EIF5AL1: variants seen among roughly 807,000 people sequenced by gnomAD.
The protein encoded by EIF5AL1 is eukaryotic translation initiation factor 5A-1-like.
A neutral mutation model predicts 9.0 loss-of-function variants in EIF5AL1; 4 were observed. That is an observed-to-expected ratio of 0.45 (90% CI 0.22 to 1.02). The LOEUF (loss-of-function observed/expected upper bound fraction) is 1.02, where lower values mean the gene tolerates loss of function less well. Among genes scored for constraint, EIF5AL1 ranks in the 50% least tolerant of loss-of-function variants. The probability of loss-of-function intolerance (pLI) is 0.24; values close to 1 mark genes in which losing one functional copy is unlikely to be tolerated. For synonymous variants in EIF5AL1, 40 were observed against 75.7 expected, an observed-to-expected ratio of 0.53 and a Z score of 2.45; for missense variants, 58 against 194.1, an observed-to-expected ratio of 0.30 and a Z score of 4.17.
In EIF5AL1 at chr10:79,516,396, G is replaced by A. The variant is rs929176838; in HGVS notation, c.*3282G>A. On this transcript the variant is annotated 3_prime_UTR_variant, in exon 1 of 1. Transcript: ENST00000520547. ...TGCCAAATGATGTGTAATTATCTAGGTTGTAAAAATAAAACATACTCCCCC... is the reference window on the plus strand; with the variant it reads ...TGCCAAATGATGTGTAATTATCTAGATTGTAAAAATAAAACATACTCCCCC... 4 of 167,016 alleles carry A rather than the reference G, an allele frequency of 2.4e-5. No individual in the cohort carries two copies. Among genetic ancestry groups the A allele is most frequent in the African/African-American group, 9.7e-5 (4 of 41,438 alleles). 10.3% of individuals were successfully genotyped at this position (167,016 alleles called of 1,614,324 possible). A position where few individuals can be genotyped will look rare whatever the true frequency, so the allele number is the denominator to read the frequency against.
At position 79,514,770 on chromosome 10, in the gene EIF5AL1, C is replaced by G. The variant is rs1858207810; in HGVS notation, c.*1656C>G. The G allele has an allele frequency of 6.0e-6, 1 of 167,604 alleles. No homozygotes were observed. Among genetic ancestry groups the G allele is most frequent in the Admixed American group, 6.5e-5 (1 of 15,340 alleles). 10.4% of individuals were successfully genotyped at this position (167,604 alleles called of 1,614,324 possible). On this transcript the variant is annotated 3_prime_UTR_variant, in exon 1 of 1. Coordinates refer to ENST00000520547, the MANE Select transcript of EIF5AL1 (RefSeq NM_001099692.2). ...TTAACAATGCCAGTACCTGGACCTC[C>G]GCTTGCCCCTAAAACATTACAATCA...
rs187635832 is a variant in EIF5AL1, at chr10:79,515,576, C to T, written c.*2462C>T. On this transcript the variant is annotated 3_prime_UTR_variant, in exon 1 of 1. Coordinates refer to ENST00000520547, the MANE Select transcript of EIF5AL1 (RefSeq NM_001099692.2). ...ATTTCACCCCCTGCTCCTTCCTGAT[C>T]TTCTGTGGAGCATCTTTTTTCCATC... 0.018 allele frequency: 3,054 copies of T among 167,202 alleles called. 47 individuals are homozygous for T. Among genetic ancestry groups the T allele is most frequent in the Non-Finnish European group, 0.027 (1,837 of 68,336 alleles). The allele number at this position is 167,202 out of a possible 1,614,324, so 10.4% of individuals were successfully genotyped here. A position where few individuals can be genotyped will look rare whatever the true frequency, so the allele number is the denominator to read the frequency against.
chr10:79,513,305 GGC>G lies in EIF5AL1; in HGVS notation c.*192_*193del. 1 of 686,686 alleles carries G rather than the reference GGC, an allele frequency of 1.5e-6. No individual in the cohort carries two copies. Among genetic ancestry groups the G allele is most frequent in the South Asian group, 1.9e-5 (1 of 52,564 alleles). 42.5% of individuals were successfully genotyped at this position (686,686 alleles called of 1,614,324 possible). A position where few individuals can be genotyped will look rare whatever the true frequency, so the allele number is the denominator to read the frequency against. The stretch of plus-strand genomic sequence containing the variant: ...CCCCTGCCCTTCACCTAGCTCCCTT[GGC>G]CAGGAGCGAGCGAAGCCATGGCCTT... On this transcript the variant is annotated 3_prime_UTR_variant, in exon 1 of 1. Coordinates refer to ENST00000520547, the MANE Select transcript of EIF5AL1 (RefSeq NM_001099692.2).
rs1354804074 is a variant in EIF5AL1 at position 79,512,766 on chromosome 10, G to A, written c.117G>A (p.Lys39=). The change falls in exon 1 of 1, where the codon AAG becomes AAA. Residue 39 remains lysine (K), a synonymous_variant. Transcript: ENST00000520547. ...GFVVLKGWPC[K]IVEMSASKTG... is the part of the protein sequence containing the mutation. Reference sequence around the variant, plus strand: ...TGGTGCTCAAAGGCTGGCCATGTAAGATCGTGGAGATGTCTGCTTCGAAGA... The same window carrying A: ...TGGTGCTCAAAGGCTGGCCATGTAAAATCGTGGAGATGTCTGCTTCGAAGA... 6.3e-6 allele frequency: 10 copies of A among 1,595,998 alleles called. No individual in the cohort carries two copies. The highest frequency in any genetic ancestry group is 7.7e-6 in the Non-Finnish European group (9 of 1,166,890).
In EIF5AL1 at chr10:79,512,979, G is replaced by A; in HGVS notation, c.330G>A (p.Glu110=). 2 of 1,613,364 alleles carry A rather than the reference G, an allele frequency of 1.2e-6. No homozygotes were observed. The highest frequency in any genetic ancestry group is 8.5e-7 in the Non-Finnish European group (1 of 1,179,506). ...SLLQDSGEVP[E]DLRLPEGDLG... ...TCCAGGACAGCGGGGAGGTACCAGA[G>A]GACCTTCGTCTCCCTGAGGGAGACC... Residue 110 remains glutamate (E), a synonymous_variant, in exon 1 of 1, where the codon GAG becomes GAA. Coordinates refer to ENST00000520547, the MANE Select transcript of EIF5AL1 (RefSeq NM_001099692.2).
rs1858188419 is a variant in EIF5AL1 at position 79,513,818 on chromosome 10, A to C, written c.*704A>C. 6.0e-6 allele frequency: 1 copy of C among 167,080 alleles called. No individual in the cohort carries two copies. Among genetic ancestry groups the C allele is most frequent in the Admixed American group, 6.5e-5 (1 of 15,284 alleles). The allele number at this position is 167,080 out of a possible 1,614,324, so 10.3% of individuals were successfully genotyped here. ...AACTCTAGGAAACAGGGACAAAAAC[A>C]CTTCAAAGAGAAAGTTCATGCACTT... On this transcript the variant is annotated 3_prime_UTR_variant, in exon 1 of 1. Coordinates refer to ENST00000520547, the MANE Select transcript of EIF5AL1 (RefSeq NM_001099692.2).
In EIF5AL1 at chr10:79,512,949, A is replaced by G. The variant is rs1589215621; in HGVS notation, c.300A>G (p.Ser100=). Residue 100 remains serine, a synonymous_variant, in exon 1 of 1, where the codon TCA becomes TCG. Coordinates refer to ENST00000520547, the MANE Select transcript of EIF5AL1 (RefSeq NM_001099692.2). ...QLIGIQDGYL[S]LLQDSGEVPE... is the part of the protein sequence containing the mutation. The stretch of plus-strand genomic sequence containing the variant: ...TTGGCATCCAGGATGGGTACCTATC[A>G]CTGCTCCAGGACAGCGGGGAGGTAC... 1 of 1,613,898 alleles carries G rather than the reference A, an allele frequency of 6.2e-7. No homozygotes were observed. Among genetic ancestry groups the G allele is most frequent in the South Asian group, 1.1e-5 (1 of 91,066 alleles).
In EIF5AL1 at chr10:79,516,355, G is replaced by A. The variant is rs533139087; in HGVS notation, c.*3241G>A. The A allele has an allele frequency of 1.2e-4, 20 of 167,170 alleles. No individual in the cohort carries two copies. Among genetic ancestry groups the A allele is most frequent in the African/African-American group, 1.9e-4 (8 of 41,560 alleles). The allele number at this position is 167,170 out of a possible 1,614,324, so 10.4% of individuals were successfully genotyped here. On this transcript the variant is annotated 3_prime_UTR_variant, in exon 1 of 1. Transcript: ENST00000520547. ...AACTTATATATTTTCTGTTTTCTACGTATGTTGAAGGGCAGTGCCAAATGA... is the reference window on the plus strand; with the variant it reads ...AACTTATATATTTTCTGTTTTCTACATATGTTGAAGGGCAGTGCCAAATGA...
rs753819531 is a variant in EIF5AL1, at chr10:79,512,779, T to G, written c.130T>G (p.Ser44Ala). The G allele has an allele frequency of 1.2e-6, 2 of 1,604,506 alleles. No homozygotes were observed. Among genetic ancestry groups the G allele is most frequent in the East Asian group, 2.2e-5 (1 of 44,752 alleles). The change falls in exon 1 of 1, where the codon TCT (serine) becomes GCT (alanine). Residue 44 changes from serine (S) to alanine (A), a missense_variant. By Grantham distance (99) the Ser-to-Ala change is moderately conservative (BLOSUM62 1). Transcript: ENST00000520547. ...CTGGCCATGTAAGATCGTGGAGATG[T>G]CTGCTTCGAAGACTGGCAAGCACGG... is the stretch of plus-strand genomic sequence containing the variant. Reference protein sequence around the residue: ...KGWPCKIVEMSASKTGKHGHA... With the variant: ...KGWPCKIVEMAASKTGKHGHA...
In EIF5AL1 at chr10:79,516,133, A is replaced by C. The variant is rs1858229845; in HGVS notation, c.*3019A>C. ...ATCACGATGTCCTGGTTTGTGAGAT[A>C]ATGGGATAGAGGAGTAGAAAACAAG... is the stretch of plus-strand genomic sequence containing the variant. On this transcript the variant is annotated 3_prime_UTR_variant, in exon 1 of 1. Coordinates refer to ENST00000520547, the MANE Select transcript of EIF5AL1 (RefSeq NM_001099692.2). The C allele has an allele frequency of 6.0e-6, 1 of 167,124 alleles. No homozygotes were observed. Among genetic ancestry groups the C allele is most frequent in the Non-Finnish European group, 1.5e-5 (1 of 68,120 alleles). The allele number at this position is 167,124 out of a possible 1,614,324, so 10.4% of individuals were successfully genotyped here. A position where few individuals can be genotyped will look rare whatever the true frequency, so the allele number is the denominator to read the frequency against.
At position 79,513,793 on chromosome 10, in the gene EIF5AL1, A is replaced by G. The variant is rs1858188100; in HGVS notation, c.*679A>G. ...AAAGAAAGACGTGTAAAATGCCAAG[A>G]ACTCTAGGAAACAGGGACAAAAACA... On this transcript the variant is annotated 3_prime_UTR_variant, in exon 1 of 1. Transcript: ENST00000520547. 6.0e-6 allele frequency: 1 copy of G among 166,742 alleles called. No individual in the cohort carries two copies. Among genetic ancestry groups the G allele is most frequent in the African/African-American group, 2.4e-5 (1 of 41,368 alleles). The allele number at this position is 166,742 out of a possible 1,614,324, so 10.3% of individuals were successfully genotyped here. A position where few individuals can be genotyped will look rare whatever the true frequency, so the allele number is the denominator to read the frequency against.
At position 79,512,943 on chromosome 10, in the gene EIF5AL1, C is replaced by A; in HGVS notation, c.294C>A (p.Tyr98Ter). 6.2e-7 allele frequency: 1 copy of A among 1,613,900 alleles called. No individual in the cohort carries two copies. The highest frequency in any genetic ancestry group is 8.5e-7 in the Non-Finnish European group (1 of 1,179,914). ...AGCTGATTGGCATCCAGGATGGGTACCTATCACTGCTCCAGGACAGCGGGG... is the reference window on the plus strand; with the variant it reads ...AGCTGATTGGCATCCAGGATGGGTAACTATCACTGCTCCAGGACAGCGGGG... ...DFQLIGIQDG[Y>*]LSLLQDSGEV... The change falls in exon 1 of 1, where the codon TAC becomes TAA. Residue 98 changes from tyrosine to a stop codon, truncating the protein, a stop_gained. Coordinates refer to ENST00000520547, the MANE Select transcript of EIF5AL1 (RefSeq NM_001099692.2). LOFTEE classifies it high-confidence loss of function.
chr10:79,516,412 A>C lies in EIF5AL1; in HGVS notation c.*3298A>C, dbSNP rs1354384223. Reference sequence around the variant, plus strand: ...ATTATCTAGGTTGTAAAAATAAAACATACTCCCCCTTCCCTTGAGGATAAA... The same window carrying C: ...ATTATCTAGGTTGTAAAAATAAAACCTACTCCCCCTTCCCTTGAGGATAAA... On this transcript the variant is annotated 3_prime_UTR_variant, in exon 1 of 1. Coordinates refer to ENST00000520547, the MANE Select transcript of EIF5AL1 (RefSeq NM_001099692.2). 1 of 166,960 alleles carries C rather than the reference A, an allele frequency of 6.0e-6. No individual in the cohort carries two copies. Among genetic ancestry groups the C allele is most frequent in the South Asian group, 2.1e-4 (1 of 4,822 alleles). 10.3% of individuals were successfully genotyped at this position (166,960 alleles called of 1,614,324 possible).
rs1250791 is a variant in EIF5AL1, at chr10:79,516,084, A to G, written c.*2970A>G. 18,635 of 167,082 alleles carry G rather than the reference A, an allele frequency of 0.11. 1,182 individuals carry two copies. The highest frequency in any genetic ancestry group is 0.3 in the East Asian group (1,550 of 5,178). The allele number at this position is 167,082 out of a possible 1,614,324, so 10.3% of individuals were successfully genotyped here. On this transcript the variant is annotated 3_prime_UTR_variant, in exon 1 of 1. Transcript: ENST00000520547. ...AAGAAATGAGAAGCAAAGAAAAACCATGAGGCATGAACATTTCATGGCAAT... is the reference window on the plus strand; with the variant it reads ...AAGAAATGAGAAGCAAAGAAAAACCGTGAGGCATGAACATTTCATGGCAAT...
rs539610115 is a variant in EIF5AL1, at chr10:79,514,610, C to T, written c.*1496C>T. On this transcript the variant is annotated 3_prime_UTR_variant, in exon 1 of 1. Coordinates refer to ENST00000520547, the MANE Select transcript of EIF5AL1 (RefSeq NM_001099692.2). ...GATAACGTGCTAGTAGGCCTCAATT[C>T]ATTGCTAAATATTTTTAACGAGTGT... 1.2e-5 allele frequency: 2 copies of T among 167,152 alleles called. No homozygotes were observed. Among genetic ancestry groups the T allele is most frequent in the African/African-American group, 4.8e-5 (2 of 41,426 alleles). 10.4% of individuals were successfully genotyped at this position (167,152 alleles called of 1,614,324 possible).
In EIF5AL1 at chr10:79,514,538, A is replaced by T. The variant is rs940907176; in HGVS notation, c.*1424A>T. On this transcript the variant is annotated 3_prime_UTR_variant, in exon 1 of 1. Coordinates refer to ENST00000520547, the MANE Select transcript of EIF5AL1 (RefSeq NM_001099692.2). ...ATGGAGGGTGTCTAGGTGTGCTAGG[A>T]CCCCTGCCCATTCCCCAGAAATAGA... is the stretch of plus-strand genomic sequence containing the variant. 1.3e-4 allele frequency: 22 copies of T among 166,870 alleles called. No homozygotes were observed. The highest frequency in any genetic ancestry group is 5.1e-4 in the African/African-American group (21 of 41,320). The allele number at this position is 166,870 out of a possible 1,614,324, so 10.3% of individuals were successfully genotyped here. A position where few individuals can be genotyped will look rare whatever the true frequency, so the allele number is the denominator to read the frequency against.
Position 79,512,997 on chromosome 10 carries a change from G to T in EIF5AL1, c.348G>T (p.Glu116Asp), listed in dbSNP as rs1589215646. ...GEVPEDLRLP[E>D]GDLGKEIEQK... ...TACCAGAGGACCTTCGTCTCCCTGA[G>T]GGAGACCTTGGCAAGGAGATTGAGC... The change falls in exon 1 of 1, where the codon GAG (glutamate) becomes GAT (aspartate). Residue 116 changes from glutamate to aspartate, a missense_variant. This residue lies in a region of EIF5AL1 where 48 missense variants were observed against 104.3 expected (regional missense o/e 0.46). Coordinates refer to ENST00000520547, the MANE Select transcript of EIF5AL1 (RefSeq NM_001099692.2). The T allele has an allele frequency of 1.2e-6, 2 of 1,612,070 alleles. No homozygotes were observed. The highest frequency in any genetic ancestry group is 3.3e-5 in the Admixed American group (2 of 59,976).
In EIF5AL1 at chr10:79,514,381, G is replaced by A. The variant is rs1407117618; in HGVS notation, c.*1267G>A. ...AGTAGACTGAGGGTCTGCTAGTGAAGGTGACCCCTACTGAAGTCCACTGGC... is the reference window on the plus strand; with the variant it reads ...AGTAGACTGAGGGTCTGCTAGTGAAAGTGACCCCTACTGAAGTCCACTGGC... On this transcript the variant is annotated 3_prime_UTR_variant, in exon 1 of 1. Transcript: ENST00000520547. 2 of 167,070 alleles carry A rather than the reference G, an allele frequency of 1.2e-5. No individual in the cohort carries two copies. The highest frequency in any genetic ancestry group is 4.8e-5 in the African/African-American group (2 of 41,446). The allele number at this position is 167,070 out of a possible 1,614,324, so 10.3% of individuals were successfully genotyped here.
At position 79,515,512 on chromosome 10, in the gene EIF5AL1, G is replaced by A. The variant is rs1055073468; in HGVS notation, c.*2398G>A. 6.0e-6 allele frequency: 1 copy of A among 167,848 alleles called. No individual in the cohort carries two copies. Among genetic ancestry groups the A allele is most frequent in the African/African-American group, 2.4e-5 (1 of 41,434 alleles). 10.4% of individuals were successfully genotyped at this position (167,848 alleles called of 1,614,324 possible). ...AAATGTTTCACAGGTTGAAAGGAAA[G>A]CAACTACCTTCAGTTCTCTGAGTTC... On this transcript the variant is annotated 3_prime_UTR_variant, in exon 1 of 1. Coordinates refer to ENST00000520547, the MANE Select transcript of EIF5AL1 (RefSeq NM_001099692.2).
Sources: gnomAD v4.1 joint callset for allele counts on GRCh38, gnomAD v4.1.1 for gene constraint, gnomAD v4.1.1 regional missense constraint, MANE v1.5 for transcripts, NCBI Gene and HGNC (gene_info 2026-07-23, HGNC 2026-07-21) for gene names.